The following POU3F3 variants were observed in gnomAD, a reference collection of about 807,000 sequenced individuals.
The protein encoded by POU3F3 is POU domain, class 3, transcription factor 3.
POU3F3 carries 1 observed loss-of-function variant against 8.6 expected under a neutral mutation model. The ratio of observed to expected loss-of-function variants is 0.12; its 90% CI spans 0.04 to 0.55. POU3F3 has a LOEUF of 0.55. Ranked by LOEUF, POU3F3 falls within the 20% of genes least tolerant of loss-of-function variation. The pLI, the probability that POU3F3 is intolerant of heterozygous loss-of-function variation, is 0.91. For missense variants in POU3F3, 577 were observed against 690.7 expected, an observed-to-expected ratio of 0.84 and a Z score of 1.84; for synonymous variants, 418 against 327.4, an observed-to-expected ratio of 1.28 and a Z score of -2.99.
the POU3F3 span, among the ~76,000 whole-genome samples, chr2:104,890,495 C>T: frequency 6.6e-6 from 1 of 152,088 alleles, no homozygotes; most frequent in African/African-American, 2.4e-5. Context: ...GCCCACCTCC[C>T]TGTGTGGGGA....
chr2:104,914,935 C>G, the POU3F3 span, among the ~76,000 whole-genome samples: 7 of 152,156 alleles, frequency 4.6e-5, no homozygotes, highest in African/African-American at 1.4e-4. Context: ...TTGCGGGGAG[C>G]AAGGACAGTC....
chr2:104,902,613 G>A, the POU3F3 span, among the ~76,000 whole-genome samples: 7 of 152,172 alleles, frequency 4.6e-5, no homozygotes, highest in East Asian at 7.7e-4. Context: ...GGAGAGTAGC[G>A]GTCAGTCAAA....
At chr2:104,894,967 C>T in the POU3F3 span, among the ~76,000 whole-genome samples, 11 of 152,052 alleles carry the variant, frequency 7.2e-5, no homozygotes, top group South Asian at 2.1e-4. Context: ...GTACTATTTT[C>T]CTGAGGGATT....
the POU3F3 span, among the ~76,000 whole-genome samples, chr2:104,873,597 C>T: frequency 1.3e-5 from 2 of 152,200 alleles, no homozygotes; most frequent in Non-Finnish European, 2.9e-5. Context: ...AGCACTTTCA[C>T]AAGTGGTTAG....
chr2:104,856,065 G>C lies in POU3F3; in HGVS notation c.555G>C (p.Gly185=), dbSNP rs1274930230. The stretch of plus-strand genomic sequence containing the variant: ...CGCCCCCACACCAGGGCCACCCTGG[G>C]GGCTGGGGGGCGGCCGCCGCTGCCG... ...PPPPPHQGHP[G]GWGAAAAAAA... is the part of the protein sequence containing the mutation. Residue 185 remains glycine (G), a synonymous_variant, in exon 1 of 1, where the codon GGG becomes GGC. Transcript: ENST00000361360. 1 of 1,007,240 alleles carries C rather than the reference G, an allele frequency of 9.9e-7. No individual in the cohort carries two copies. Among genetic ancestry groups the C allele is most frequent in the African/African-American group, 1.8e-5 (1 of 55,622 alleles). The allele number at this position is 1,007,240 out of a possible 1,614,324, so 62.4% of individuals were successfully genotyped here. A position where few individuals can be genotyped will look rare whatever the true frequency, so the allele number is the denominator to read the frequency against.
At chr2:104,922,925 T>C in the POU3F3 span, among the ~76,000 whole-genome samples, 1 of 152,144 alleles carries the variant, frequency 6.6e-6, no homozygotes, top group Non-Finnish European at 1.5e-5. Context: ...GTAAGGGATC[T>C]TCAATAAAAT....
the POU3F3 span, among the ~76,000 whole-genome samples, chr2:104,877,046 G>GTATA: frequency 0.013 from 1,669 of 127,622 alleles, 37 homozygotes; most frequent in African/African-American, 0.046. Context: ...CATGACTGTG[G>GTATA]TATACACACA....
At chr2:104,926,958 G>T in the POU3F3 span, among the ~76,000 whole-genome samples, 1 of 152,108 alleles carries the variant, frequency 6.6e-6, no homozygotes, top group African/African-American at 2.4e-5. Flanking sequence ...CTGTCAGGGG[G>T]TGAGGGGCTA....
At chr2:104,900,380 C>A in the POU3F3 span, among the ~76,000 whole-genome samples, 1 of 152,128 alleles carries the variant, frequency 6.6e-6, no homozygotes, top group Admixed American at 6.6e-5. Flanking sequence ...AGCAGGAGAA[C>A]CATTCCATTT....
the POU3F3 span, chr2:104,868,310 A>G: frequency 2.2e-6 from 1 of 456,628 alleles, no homozygotes; most frequent in African/African-American, 2.0e-5. Context: ...GGCTAGGAGC[A>G]GGTGCAAGAA....
At chr2:104,920,602 A>G in the POU3F3 span, among the ~76,000 whole-genome samples, 1 of 152,162 alleles carries the variant, frequency 6.6e-6, no homozygotes, top group South Asian at 2.1e-4. Context: ...AAAGCATTTT[A>G]CCATACCATA....
chr2:104,887,738 G>A, the POU3F3 span, among the ~76,000 whole-genome samples: 3 of 152,184 alleles, frequency 2.0e-5, no homozygotes, highest in Admixed American at 6.5e-5. Flanking sequence ...GGTGCATTCC[G>A]AGGAGAGTAG....
At chr2:104,918,020 C>T in the POU3F3 span, among the ~76,000 whole-genome samples, 4 of 152,172 alleles carry the variant, frequency 2.6e-5, no homozygotes, top group African/African-American at 4.8e-5. Context: ...TCTGGGCATC[C>T]ATGTATCTAG....
chr2:104,869,459 T>A, the POU3F3 span, among the ~76,000 whole-genome samples: 1 of 152,186 alleles, frequency 6.6e-6, no homozygotes, highest in Non-Finnish European at 1.5e-5. Context: ...CCACCAGGTG[T>A]CCTGGGAACT....
At chr2:104,879,856 A>T in the POU3F3 span, among the ~76,000 whole-genome samples, 4 of 152,212 alleles carry the variant, frequency 2.6e-5, no homozygotes, top group Non-Finnish European at 4.4e-5. Flanking sequence ...TCTCTTCACC[A>T]CGTGGTTCTT....
chr2:104,894,581 C>T, the POU3F3 span, among the ~76,000 whole-genome samples: 1 of 152,186 alleles, frequency 6.6e-6, no homozygotes, highest in Non-Finnish European at 1.5e-5. Flanking sequence ...ATTAGTCCAA[C>T]TGAGCGGTGT....
the POU3F3 span, among the ~76,000 whole-genome samples, chr2:104,927,616 G>A: frequency 6.8e-6 from 1 of 146,754 alleles, no homozygotes. Flanking sequence ...AATTAGTCAG[G>A]TGCTGCGGCA....
At position 104,855,564 on chromosome 2, in the gene POU3F3, CG is replaced by C; in HGVS notation, c.56del (p.Gly19AlafsTer40). 1 of 1,034,440 alleles carries C rather than the reference CG, an allele frequency of 9.7e-7. No homozygotes were observed. The highest frequency in any genetic ancestry group is 2.9e-5 in the South Asian group (1 of 34,626). 64.1% of individuals were successfully genotyped at this position (1,034,440 alleles called of 1,614,324 possible). Reference protein sequence around the residue: ...YLPGNSLLAAGSIVHSDAAGA... With the variant: ...YLPGNSLLAAXSIVHSDAAGA... ...TGCCGGGGAACAGCCTGCTCGCGGCCGGCTCTATTGTGCACTCGGACGCGGC... is the reference window on the plus strand; with the variant it reads ...TGCCGGGGAACAGCCTGCTCGCGGCCGCTCTATTGTGCACTCGGACGCGGC... On this transcript the variant is annotated frameshift_variant, in exon 1 of 1. Coordinates refer to ENST00000361360, the MANE Select transcript of POU3F3 (RefSeq NM_006236.3). LOFTEE classifies it low-confidence loss of function (END_TRUNC).
At chr2:104,880,328 A>G in the POU3F3 span, among the ~76,000 whole-genome samples, 1 of 151,972 alleles carries the variant, frequency 6.6e-6, no homozygotes, top group Non-Finnish European at 1.5e-5. Context: ...GGAGGAGAAA[A>G]CCCTCCCTTG....
Sources: allele counts gnomAD v4.1 joint callset (sites outside exome capture counted in the v4.1 genomes callset), GRCh38; gene constraint gnomAD v4.1.1; transcripts MANE v1.5; gene names NCBI Gene and HGNC (gene_info 2026-07-23, HGNC 2026-07-21).